The following SPICE1 variants were observed in gnomAD, a reference collection of about 807,000 sequenced individuals.
The protein encoded by SPICE1 is spindle and centriole associated protein 1, also known as spindle and centriole-associated protein 1.
Under a neutral mutation model 102.7 loss-of-function variants are expected in SPICE1, and 75 were observed. That is an observed-to-expected ratio of 0.73 (90% CI 0.61 to 0.88). The LOEUF (loss-of-function observed/expected upper bound fraction) is 0.88, where lower values mean the gene tolerates loss of function less well. Among genes scored for constraint, SPICE1 ranks in the 40% least tolerant of loss-of-function variants. The probability of loss-of-function intolerance (pLI) is 0.00; values close to 1 mark genes in which losing one functional copy is unlikely to be tolerated. For synonymous variants in SPICE1, 308 were observed against 350.3 expected (o/e 0.88, Z 1.35); for missense variants, 979 against 1,020.1 (o/e 0.96, Z 0.55).
intron 7 of SPICE1, among the ~76,000 whole-genome samples, chr3:113,487,217 A>G (rs1454749712): frequency 6.6e-6 from 1 of 152,110 alleles, no homozygotes; most frequent in Non-Finnish European, 1.5e-5. Context: ...TATGTATTGC[A>G]GGATTGAATA....
At chr3:113,450,030 A>T in intron 15 of SPICE1, 1 of 267,140 alleles carries the variant, frequency 3.7e-6, no homozygotes, top group South Asian at 1.0e-4. Context: ...TTTCATGCTT[A>T]GTTGCAGCAT....
chr3:113,512,902 A>G (rs1937248497), intron 1 of SPICE1, among the ~76,000 whole-genome samples: 1 of 152,184 alleles, frequency 6.6e-6, no homozygotes, highest in African/African-American at 2.4e-5. Context: ...TTAGAGATAC[A>G]AGTAAACAAG....
intron 2 of SPICE1, among the ~76,000 whole-genome samples, chr3:113,505,097 T>C (rs191003395): frequency 1.6e-4 from 25 of 152,324 alleles, no homozygotes; most frequent in Middle Eastern, 3.4e-3. Context: ...TCCCACCTAA[T>C]TGGCTCTCCA....
chr3:113,505,808 AG>A (rs1365864938), intron 2 of SPICE1, among the ~76,000 whole-genome samples: 15 of 152,110 alleles, frequency 9.9e-5, no homozygotes, highest in African/African-American at 3.6e-4. Context: ...CAGGAGGCTA[AG>A]GCAGGAGGAT....
intron 13 of SPICE1, among the ~76,000 whole-genome samples, chr3:113,455,194 A>G (rs1268499730): frequency 6.6e-6 from 1 of 152,190 alleles, no homozygotes; most frequent in African/African-American, 2.4e-5. Flanking sequence ...AAAACCATAT[A>G]CAAATATGAA....
intron 2 of SPICE1, among the ~76,000 whole-genome samples, chr3:113,504,571 CAAAAAAAAAAAA>C (rs71633321): frequency 1.5e-5 from 1 of 67,856 alleles, no homozygotes; most frequent in East Asian, 4.7e-4. Flanking sequence ...GACCTTGTCT[CAAAAAAAAAAAA>C]AAAAAAAAAA....
intron 7 of SPICE1, among the ~76,000 whole-genome samples, chr3:113,472,922 C>CA (rs1398366044): frequency 6.6e-6 from 1 of 152,120 alleles, no homozygotes; most frequent in Non-Finnish European, 1.5e-5. Flanking sequence ...ACCAACGGAA[C>CA]AAAGCTGGAA....
chr3:113,468,711 T>C, intron 9 of SPICE1, 51 bp downstream of exon 9: 1 of 1,561,384 alleles, frequency 6.4e-7, no homozygotes, highest in Non-Finnish European at 8.7e-7. Flanking sequence ...TTAAGACAGC[T>C]GTATCAAGTT....
chr3:113,459,504 C>T (rs1033740310), intron 12 of SPICE1: 3 of 983,438 alleles, frequency 3.1e-6, no homozygotes, highest in Non-Finnish European at 3.6e-6. Context: ...GCCCTTCTTA[C>T]CTATAGGATA....
chr3:113,447,788 C>T (rs1010611176), intron 16 of SPICE1, among the ~76,000 whole-genome samples: 30 of 152,114 alleles, frequency 2.0e-4, no homozygotes, highest in Non-Finnish European at 3.5e-4. Context: ...TTTTGTAACC[C>T]GTAAGTACTC....
chr3:113,448,311 T>A (rs771790739), intron 15 of SPICE1, among the ~76,000 whole-genome samples, 171 bp from the exon 16 acceptor site: 2 of 151,572 alleles, frequency 1.3e-5, no homozygotes, highest in Non-Finnish European at 2.9e-5. Context: ...TACTGAACTG[T>A]GGGATAAGAA....
Position 113,445,123 on chromosome 3 carries a change from T to C in SPICE1, c.*184A>G, listed in dbSNP as rs1030943114. Reference sequence around the variant, plus strand: ...CATTCACAGGGAGCTGTAGGTCAGTTGGTTGTTGAAAACTTATTTGAGAAA... The same window carrying C: ...CATTCACAGGGAGCTGTAGGTCAGTCGGTTGTTGAAAACTTATTTGAGAAA... On this transcript the variant is annotated 3_prime_UTR_variant, in exon 18 of 18. Coordinates refer to ENST00000295872, the MANE Select transcript of SPICE1 (RefSeq NM_144718.4). 1.5e-5 allele frequency: 7 copies of C among 461,870 alleles called. No individual in the cohort carries two copies. The highest frequency in any genetic ancestry group is 1.2e-4 in the African/African-American group (6 of 50,282). The allele number at this position is 461,870 out of a possible 1,614,324, so 28.6% of individuals were successfully genotyped here.
intron 7 of SPICE1, among the ~76,000 whole-genome samples, chr3:113,470,233 C>T (rs1299078307): frequency 1.3e-5 from 2 of 152,130 alleles, no homozygotes; most frequent in Non-Finnish European, 2.9e-5. Context: ...GGAACCAGGA[C>T]TTGATGTTTT....
chr3:113,514,570 C>T, intron 1 of SPICE1: 1 of 450,730 alleles, frequency 2.2e-6, no homozygotes. Flanking sequence ...CACACAGTTG[C>T]AACCATTCTT....
chr3:113,512,641 T>C (rs1937244516), intron 1 of SPICE1, among the ~76,000 whole-genome samples: 2 of 152,082 alleles, frequency 1.3e-5, no homozygotes, highest in South Asian at 4.1e-4. Flanking sequence ...ACTCCTGATC[T>C]CGTGATCTAC....
chr3:113,484,495 G>T (rs1353427222), intron 7 of SPICE1, among the ~76,000 whole-genome samples: 3 of 151,940 alleles, frequency 2.0e-5, no homozygotes, highest in Non-Finnish European at 4.4e-5. Flanking sequence ...GATCTTTCCT[G>T]CTTTCTCTTG....
In SPICE1 at chr3:113,443,803, T is replaced by C. The variant is rs1050313900; in HGVS notation, c.*1504A>G. 1.1e-4 allele frequency: 17 copies of C among 152,216 alleles called. No individual in the cohort carries two copies. The highest frequency in any genetic ancestry group is 3.9e-4 in the African/African-American group (16 of 41,464). 9.4% of individuals were successfully genotyped at this position (152,216 alleles called of 1,614,324 possible). A position where few individuals can be genotyped will look rare whatever the true frequency, so the allele number is the denominator to read the frequency against. ...TTCCTCATCTGCAAAATGAGGATAA[T>C]AGTACCTATCCCATAAGGTGTCATG... is the stretch of plus-strand genomic sequence containing the variant. On this transcript the variant is annotated 3_prime_UTR_variant, in exon 18 of 18. Coordinates refer to ENST00000295872, the MANE Select transcript of SPICE1 (RefSeq NM_144718.4).
chr3:113,446,672 A>C lies in SPICE1; in HGVS notation c.2431T>G (p.Ser811Ala). 6.2e-7 allele frequency: 1 copy of C among 1,612,048 alleles called. No homozygotes were observed. Among genetic ancestry groups the C allele is most frequent in the Non-Finnish European group, 8.5e-7 (1 of 1,178,536 alleles). ...PVSGINTRRS[S>A]GATGNSCSPL... ...GAACAAGAATTACCAGTAGCCCCGG[A>C]AGATCTATTCATGAAAAATAAAACA... The change falls in exon 17 of 18, where the codon TCC (serine) becomes GCC (alanine). Residue 811 changes from serine to alanine, a missense_variant. By Grantham distance (99) the Ser-to-Ala change is moderately conservative (BLOSUM62 1). Transcript: ENST00000295872.
At chr3:113,473,702 G>A (rs1157635308) in intron 7 of SPICE1, among the ~76,000 whole-genome samples, 2 of 151,382 alleles carry the variant, frequency 1.3e-5, no homozygotes, top group East Asian at 1.9e-4. Context: ...CATAAGTGAA[G>A]GAGAAATAAA....
Sources: gnomAD v4.1 joint callset for allele counts (sites outside exome capture counted in the v4.1 genomes callset) on GRCh38, gnomAD v4.1.1 for gene constraint, MANE v1.5 for transcripts, NCBI Gene and HGNC (gene_info 2026-07-23, HGNC 2026-07-21) for gene names.